NTRK2: variants seen among roughly 807,000 people sequenced by gnomAD.
The protein encoded by NTRK2 is BDNF/NT-3 growth factors receptor.
In NTRK2, 13 loss-of-function variants were observed where a neutral mutation model predicts 94.5. That is an observed-to-expected ratio of 0.14 (90% CI 0.09 to 0.22). The LOEUF is 0.22. Among genes scored for constraint, NTRK2 ranks in the 10% least tolerant of loss-of-function variants. NTRK2 has a pLI of 1.00. For synonymous variants in NTRK2, 372 were observed against 407.4 expected, an observed-to-expected ratio of 0.91 and a Z score of 1.05; for missense variants, 639 against 1,071.2, an observed-to-expected ratio of 0.60 and a Z score of 5.63.
chr9:84,695,953 C>T (rs1413269052), intron 2 of NTRK2, among the ~76,000 whole-genome samples: 1 of 152,178 alleles, frequency 6.6e-6, no homozygotes, highest in Non-Finnish European at 1.5e-5. Context: ...CATTTCTAGT[C>T]TTACATTCCT....
chr9:84,892,224 C>A (rs541041917), intron 14 of NTRK2, among the ~76,000 whole-genome samples: 60 of 152,314 alleles, frequency 3.9e-4, no homozygotes, highest in Admixed American at 1.4e-3. Context: ...ATTACACTCA[C>A]TCCTGTAGGG....
chr9:84,730,696 G>A (rs1379356724), intron 9 of NTRK2, among the ~76,000 whole-genome samples: 1 of 105,584 alleles, frequency 9.5e-6, no homozygotes, highest in East Asian at 2.9e-4. Context: ...AGCCGAGATC[G>A]CACCACTGCA....
intron 15 of NTRK2, among the ~76,000 whole-genome samples, chr9:84,940,350 C>G (rs906201506): frequency 2.0e-5 from 3 of 152,110 alleles, no homozygotes; most frequent in Non-Finnish European, 4.4e-5. Flanking sequence ...GGTGACTGTC[C>G]CTTCTTTATC....
At chr9:84,812,932 C>A (rs927068288) in intron 12 of NTRK2, 2 of 1,032,702 alleles carry the variant, frequency 1.9e-6, no homozygotes, top group Non-Finnish European at 2.3e-6. Flanking sequence ...AAAATTATTT[C>A]ATATAGTTCT....
chr9:84,691,884 T>C lies in NTRK2; in HGVS notation c.213-10275T>C, dbSNP rs79589789. Reference sequence around the variant, plus strand: ...CCTCCAACCCTGAGAGAGATGGTCCTCTTGTGAGCCTGCCAGGATGAATTA... The same window carrying C: ...CCTCCAACCCTGAGAGAGATGGTCCCCTTGTGAGCCTGCCAGGATGAATTA... On this transcript the variant is annotated intron_variant, in intron 2 of 18. Transcript: ENST00000277120. Among the ~76,000 whole-genome samples, 459 of 152,270 alleles carry C rather than the reference T, an allele frequency of 3.0e-3. 15 individuals carry two copies. In the East Asian group the frequency reaches 0.066, roughly 22 times the overall value.
At chr9:84,974,551 G>A (rs1450264935) in intron 17 of NTRK2, among the ~76,000 whole-genome samples, 5 of 152,222 alleles carry the variant, frequency 3.3e-5, no homozygotes, top group Non-Finnish European at 7.3e-5. Flanking sequence ...CATAAAAGAA[G>A]TAGGACTCAG....
rs569086324 is a variant in NTRK2 at position 84,869,064 on chromosome 9, A to G, written c.1633+1633A>G. 2.0e-5 allele frequency among the ~76,000 whole-genome samples: 3 copies of G among 152,324 alleles called. No homozygotes were observed. In the South Asian group the frequency reaches 6.2e-4, roughly 32 times the overall value. ...AATCGAACAAACGAGCAAGAGAGCAAACAAACAAAATAACAAATGAGATCC... is the reference window on the plus strand; with the variant it reads ...AATCGAACAAACGAGCAAGAGAGCAGACAAACAAAATAACAAATGAGATCC... On this transcript the variant is annotated intron_variant, in intron 14 of 18. Coordinates refer to ENST00000277120, the MANE Select transcript of NTRK2 (RefSeq NM_006180.6).
At chr9:84,900,917 T>C (rs2076907885) in intron 14 of NTRK2, among the ~76,000 whole-genome samples, 1 of 152,144 alleles carries the variant, frequency 6.6e-6, no homozygotes, top group Non-Finnish European at 1.5e-5. Flanking sequence ...AAGCCACATA[T>C]TGATCAAAAA....
intron 5 of NTRK2, among the ~76,000 whole-genome samples, chr9:84,709,913 C>G (rs984933564): frequency 6.6e-6 from 1 of 151,834 alleles, no homozygotes; most frequent in African/African-American, 2.4e-5. Flanking sequence ...AGTGGTCTAA[C>G]GCAGCTCAAT....
chr9:84,832,903 T>C (rs535762427), intron 12 of NTRK2, among the ~76,000 whole-genome samples: 1 of 152,048 alleles, frequency 6.6e-6, no homozygotes, highest in Non-Finnish European at 1.5e-5. Context: ...ATAGATAATA[T>C]CGGCAGCCAC....
chr9:84,820,195 C>T (rs2072704598), intron 12 of NTRK2, among the ~76,000 whole-genome samples: 1 of 139,376 alleles, frequency 7.2e-6, no homozygotes, highest in African/African-American at 2.7e-5. Context: ...TTGGTGACAG[C>T]GTCTTGCTCT....
intron 17 of NTRK2, among the ~76,000 whole-genome samples, chr9:84,957,993 A>G (rs1824372170): frequency 6.6e-6 from 1 of 152,226 alleles, no homozygotes; most frequent in Admixed American, 6.5e-5. Flanking sequence ...TCAGACACAA[A>G]AGGCCACATA....
At chr9:84,768,694 A>T (rs1411465620) in intron 12 of NTRK2, among the ~76,000 whole-genome samples, 5 of 152,096 alleles carry the variant, frequency 3.3e-5, no homozygotes, top group African/African-American at 1.2e-4. Flanking sequence ...GTCAAAGAAA[A>T]CCAGAGCTCA....
intron 12 of NTRK2, among the ~76,000 whole-genome samples, chr9:84,822,838 C>G (rs537354406): frequency 6.6e-6 from 1 of 152,168 alleles, no homozygotes; most frequent in African/African-American, 2.4e-5. Context: ...CATTTGGTAC[C>G]CTTGGTCAAC....
intron 13 of NTRK2, among the ~76,000 whole-genome samples, chr9:84,863,232 T>C (rs2132015314): frequency 6.6e-6 from 1 of 152,298 alleles, no homozygotes; most frequent in Non-Finnish European, 1.5e-5. Context: ...TTCGTGATTC[T>C]TATCACAGGA....
chr9:84,936,098 A>G (rs930989643), intron 15 of NTRK2, among the ~76,000 whole-genome samples: 8 of 152,116 alleles, frequency 5.3e-5, no homozygotes, highest in African/African-American at 1.9e-4. Flanking sequence ...GGACTCTTTG[A>G]ATGTAAAGAA....
intron 9 of NTRK2, among the ~76,000 whole-genome samples, chr9:84,738,926 T>G (rs2063441485): frequency 6.6e-6 from 1 of 152,182 alleles, no homozygotes; most frequent in African/African-American, 2.4e-5. Context: ...AAAATAGTGC[T>G]TTTCACAAAG....
intron 12 of NTRK2, among the ~76,000 whole-genome samples, chr9:84,858,116 C>T (rs1237128747): frequency 6.6e-6 from 1 of 152,066 alleles, no homozygotes; most frequent in East Asian, 1.9e-4. Context: ...TGCTACTGTC[C>T]CTAAATATGC....
chr9:84,858,675 A>G (rs1037117255), intron 12 of NTRK2, among the ~76,000 whole-genome samples: 4 of 151,520 alleles, frequency 2.6e-5, no homozygotes, highest in African/African-American at 9.7e-5. Context: ...TGGATGGCTC[A>G]TCCTCCACCG....
Sources: gnomAD v4.1 joint callset for allele counts (sites outside exome capture counted in the v4.1 genomes callset) on GRCh38, gnomAD v4.1.1 for gene constraint, MANE v1.5 for transcripts, NCBI Gene and HGNC (gene_info 2026-07-23, HGNC 2026-07-21) for gene names.